RFX2: variants seen among roughly 807,000 people sequenced by gnomAD.
RFX2 encodes the protein regulatory factor X2.
In RFX2, 20 loss-of-function variants were observed where a neutral mutation model predicts 87.8. The observed-to-expected ratio is 0.23, with a 90% confidence interval of 0.16 to 0.33. RFX2 has a LOEUF of 0.33. Among genes scored for constraint, RFX2 ranks in the 10% least tolerant of loss-of-function variants. The pLI, the probability that RFX2 is intolerant of heterozygous loss-of-function variation, is 1.00. For missense variants in RFX2, 767 were observed against 1,012.3 expected (o/e 0.76, Z 3.29); for synonymous variants, 397 against 431.3 (o/e 0.92, Z 0.98).
chr19:6,100,145 A>C (rs2088096015), intron 1 of RFX2, among the ~76,000 whole-genome samples: 2 of 152,204 alleles, frequency 1.3e-5, no homozygotes, highest in African/African-American at 4.8e-5. Context: ...TCTTCAGTAG[A>C]AATGACATTC....
chr19:6,005,698 G>A (rs1032686707), intron 12 of RFX2, among the ~76,000 whole-genome samples: 6 of 152,158 alleles, frequency 3.9e-5, no homozygotes, highest in African/African-American at 1.2e-4. Context: ...GGAATCCCAC[G>A]GTGCTGGGAA....
chr19:6,024,474 T>C lies in RFX2; in HGVS notation c.597+1689A>G, dbSNP rs2086859410. The stretch of plus-strand genomic sequence containing the variant: ...GGTGTTTGTTTTGTTTTGTCTTTTT[T>C]GCTTCAAGACAATCGGCAGAAGGAA... On this transcript the variant is annotated intron_variant, in intron 6 of 17. Transcript: ENST00000303657. The surrounding 1 kb of genome is among the most constrained non-coding windows in gnomAD (Gnocchi z 5.0). 1.3e-5 allele frequency among the ~76,000 whole-genome samples: 2 copies of C among 152,314 alleles called. No individual in the cohort carries two copies. The highest frequency in any genetic ancestry group is 4.1e-4 in the South Asian group (2 of 4,828).
chr19:6,005,109 TA>T (rs955787019), intron 12 of RFX2, among the ~76,000 whole-genome samples: 7 of 151,894 alleles, frequency 4.6e-5, no homozygotes, highest in Non-Finnish European at 1.0e-4. Flanking sequence ...AACTCTGTCT[TA>T]AAAAAAACCA....
rs745826601 is a variant in RFX2, at chr19:6,044,164, T to C, written c.180+29A>G. The C allele has an allele frequency of 3.6e-6, 5 of 1,377,460 alleles. No homozygotes were observed. 85.3% of individuals were successfully genotyped at this position (1,377,460 alleles called of 1,614,324 possible). A position where few individuals can be genotyped will look rare whatever the true frequency, so the allele number is the denominator to read the frequency against. ...TGCTGAGTGCTAACTGCGCCCCGGTTTGCACGGTGCTGCGGTGCTTGTCAT... is the reference window on the plus strand; with the variant it reads ...TGCTGAGTGCTAACTGCGCCCCGGTCTGCACGGTGCTGCGGTGCTTGTCAT... On this transcript the variant is annotated intron_variant, in intron 3 of 17. Coordinates refer to ENST00000303657, the MANE Select transcript of RFX2 (RefSeq NM_000635.4). This position sits in a 1 kb window ranked among gnomAD's most constrained non-coding sequence, Gnocchi z 5.3.
At chr19:6,032,851 C>T (rs1307831942) in intron 5 of RFX2, among the ~76,000 whole-genome samples, 8 of 152,218 alleles carry the variant, frequency 5.3e-5, no homozygotes, top group South Asian at 2.1e-4. Context: ...TGCAGTGGCA[C>T]GATCACAGCT....
chr19:6,018,965 C>T lies in RFX2; in HGVS notation c.598-2694G>A, dbSNP rs2086768583. ...GAATCACTCAAGTAGCCTATCACCT[C>T]CTCCTCAGCACCAGGGACCCCTCGC... On this transcript the variant is annotated intron_variant, in intron 6 of 17. Coordinates refer to ENST00000303657, the MANE Select transcript of RFX2 (RefSeq NM_000635.4). Among the ~76,000 whole-genome samples, 3 of 152,242 alleles carry T rather than the reference C, an allele frequency of 2.0e-5. No homozygotes were observed. The South Asian group carries it at 6.2e-4, about 31-fold the overall frequency.
chr19:6,083,697 C>G lies in RFX2; in HGVS notation c.-9+26696G>C, dbSNP rs1056804321. Reference sequence around the variant, plus strand: ...AAGTGATCCTCCTGCTCAGCTTCCCCAGAAGCTGAGACCACAGGTATGTGC... The same window carrying G: ...AAGTGATCCTCCTGCTCAGCTTCCCGAGAAGCTGAGACCACAGGTATGTGC... On this transcript the variant is annotated intron_variant, in intron 1 of 17. Transcript: ENST00000303657. This position sits in a 1 kb window ranked among gnomAD's most constrained non-coding sequence, Gnocchi z 4.6. 6.6e-6 allele frequency among the ~76,000 whole-genome samples: 1 copy of G among 152,086 alleles called. No individual in the cohort carries two copies. The highest frequency in any genetic ancestry group is 2.4e-5 in the African/African-American group (1 of 41,488).
At chr19:5,995,472 C>T in intron 17 of RFX2, 129 bp downstream of exon 17, 1 of 901,276 alleles carries the variant, frequency 1.1e-6, no homozygotes, top group Non-Finnish European at 1.8e-6. Context: ...TGACAGATCC[C>T]AGGGCCCTCA....
intron 1 of RFX2, among the ~76,000 whole-genome samples, chr19:6,106,546 G>A (rs887849136): frequency 9.9e-5 from 15 of 151,986 alleles, no homozygotes; most frequent in African/African-American, 1.7e-4. Flanking sequence ...TCCCCACTTC[G>A]GGTGAATATT....
chr19:6,083,451 C>G lies in RFX2; in HGVS notation c.-9+26942G>C, dbSNP rs1302607618. ...TGTCACAAAATATTTTGTCTTGTTTCCAATCATTTAAAAACGCAAAAAATA... is the reference window on the plus strand; with the variant it reads ...TGTCACAAAATATTTTGTCTTGTTTGCAATCATTTAAAAACGCAAAAAATA... On this transcript the variant is annotated intron_variant, in intron 1 of 17. Transcript: ENST00000303657. The surrounding 1 kb of genome is among the most constrained non-coding windows in gnomAD (Gnocchi z 4.6). Among the ~76,000 whole-genome samples the G allele has an allele frequency of 6.6e-6, 1 of 151,528 alleles. No homozygotes were observed. Among genetic ancestry groups the G allele is most frequent in the African/African-American group, 2.4e-5 (1 of 41,152 alleles).
chr19:5,996,946 G>T (rs145884385), intron 16 of RFX2, 114 bp downstream of exon 16: 1 of 1,103,370 alleles, frequency 9.1e-7, no homozygotes, highest in South Asian at 1.6e-5. Context: ...GCTCTGTCCG[G>T]GCGGCAGAGC....
Position 6,047,845 on chromosome 19 carries a change from C to T in RFX2, c.-8-341G>A, listed in dbSNP as rs2087217356. ...CTATTTTGAAGGGCTCAATTGTTTCCTCATTTACCCAGAAATCAAAAGCTC... is the reference window on the plus strand; with the variant it reads ...CTATTTTGAAGGGCTCAATTGTTTCTTCATTTACCCAGAAATCAAAAGCTC... On this transcript the variant is annotated intron_variant, in intron 1 of 17. Transcript: ENST00000303657. This position sits in a 1 kb window ranked among gnomAD's most constrained non-coding sequence, Gnocchi z 4.2. Among the ~76,000 whole-genome samples the T allele has an allele frequency of 1.3e-5, 2 of 152,188 alleles. No individual in the cohort carries two copies. The highest frequency in any genetic ancestry group is 1.3e-4 in the Admixed American group (2 of 15,284).
At chr19:6,055,004 A>C (rs768483749) in intron 1 of RFX2, among the ~76,000 whole-genome samples, 18 of 152,256 alleles carry the variant, frequency 1.2e-4, no homozygotes, top group Non-Finnish European at 2.2e-4. Context: ...ATATCTATAT[A>C]TATAAACTCC....
intron 4 of RFX2, 98 bp downstream of exon 4, chr19:6,041,946 A>T: frequency 1.1e-6 from 1 of 905,342 alleles, no homozygotes; most frequent in Non-Finnish European, 1.9e-6. Flanking sequence ...ACATCGCCAA[A>T]AGCATAAGGG....
chr19:6,067,425 TC>T (rs2087530371), intron 1 of RFX2, among the ~76,000 whole-genome samples: 1 of 152,100 alleles, frequency 6.6e-6, no homozygotes, highest in African/African-American at 2.4e-5. Context: ...CGCCGGCTCT[TC>T]CCTCCCTACC....
In RFX2 at chr19:6,081,307, C is replaced by T. The variant is rs146318130; in HGVS notation, c.-9+29086G>A. Among the ~76,000 whole-genome samples the T allele has an allele frequency of 2.4e-4, 37 of 152,096 alleles. No individual in the cohort carries two copies. In the East Asian group the frequency reaches 3.1e-3, roughly 13 times the overall value. On this transcript the variant is annotated intron_variant, in intron 1 of 17. Transcript: ENST00000303657. Reference sequence around the variant, plus strand: ...GAGGATTGATTGAGGCCAACCAGGCCGAAAAGGAAGACCCTGTCTCTATTT... The same window carrying T: ...GAGGATTGATTGAGGCCAACCAGGCTGAAAAGGAAGACCCTGTCTCTATTT...
intron 3 of RFX2, 55 bp from the exon 4 acceptor site, chr19:6,042,178 C>A: frequency 1.4e-6 from 2 of 1,478,568 alleles, no homozygotes; most frequent in Non-Finnish European, 1.9e-6. Context: ...GAGTTGCCTG[C>A]AGATTATTCA....
At chr19:6,068,098 G>A (rs2087539785) in intron 1 of RFX2, 1 of 152,130 alleles carries the variant, frequency 6.6e-6, no homozygotes, top group Non-Finnish European at 1.5e-5. Flanking sequence ...GTGATGTGGT[G>A]ACAACCTTGA....
At position 5,997,074 on chromosome 19, in the gene RFX2, C is replaced by A; in HGVS notation, c.1999G>T (p.Ala667Ser). 1 of 1,611,248 alleles carries A rather than the reference C, an allele frequency of 6.2e-7. No homozygotes were observed. Among genetic ancestry groups the A allele is most frequent in the East Asian group, 2.2e-5 (1 of 44,878 alleles). ...AGGGTCCTCACCTCTCCCATCACAG[C>A]GATCGGCGTCTCTCCGGTGGCCTCC... ...VAEATGETPI[A>S]VMGEFNDLAS... The change falls in exon 16 of 18, where the codon GCT becomes TCT. Residue 667 changes from alanine (A) to serine (S), a missense_variant. By Grantham distance (99) the Ala-to-Ser change is moderately conservative. Coordinates refer to ENST00000303657, the MANE Select transcript of RFX2 (RefSeq NM_000635.4). The surrounding 1 kb of genome is among the most constrained non-coding windows in gnomAD (Gnocchi z 4.2).
Sources: gnomAD v4.1 joint callset for allele counts (sites outside exome capture counted in the v4.1 genomes callset) on GRCh38, gnomAD v4.1.1 for gene constraint, Gnocchi (gnomAD v3.1) non-coding constraint, MANE v1.5 for transcripts, NCBI Gene and HGNC (gene_info 2026-07-23, HGNC 2026-07-21) for gene names.